The following CNPY4 variants were observed in gnomAD, a reference collection of about 807,000 sequenced individuals.
The protein encoded by CNPY4 is protein canopy homolog 4.
CNPY4 carries 33 observed loss-of-function variants against 30.1 expected under a neutral mutation model. That is an observed-to-expected ratio of 1.10 (90% CI 0.83 to 1.46). The LOEUF (loss-of-function observed/expected upper bound fraction) is 1.46, where lower values mean the gene tolerates loss of function less well. CNPY4 is among the 40% of genes most tolerant of loss of function. The pLI is 0.00. For synonymous variants in CNPY4, 109 were observed against 110.1 expected (o/e 0.99, Z 0.06); for missense variants, 324 against 302.6 (o/e 1.07, Z -0.52).
At chr7:100,124,460 G>C in intron 4 of CNPY4, 54 bp from the exon 5 acceptor site, 1 of 1,390,902 alleles carries the variant, frequency 7.2e-7, no homozygotes, top group East Asian at 2.3e-5. Flanking sequence ...GAAGACAGGC[G>C]GGATCCCAAA....
At chr7:100,119,970 T>A in intron 1 of CNPY4, 108 bp downstream of exon 1, 1 of 986,430 alleles carries the variant, frequency 1.0e-6, no homozygotes, top group Non-Finnish European at 1.4e-6. Context: ...CTTGAAGGCT[T>A]GAGGGAGGTT....
Position 100,119,644 on chromosome 7 carries a change from T to A in CNPY4, c.-101T>A. On this transcript the variant is annotated 5_prime_UTR_variant, in exon 1 of 6. Transcript: ENST00000262932. ...TGCGCATGCGCCGACCTTCCTCGGCTGGATTTAAGGTTGCCGCTAGCCGCC... is the reference window on the plus strand; with the variant it reads ...TGCGCATGCGCCGACCTTCCTCGGCAGGATTTAAGGTTGCCGCTAGCCGCC... 6.2e-7 allele frequency: 1 copy of A among 1,604,056 alleles called. No individual in the cohort carries two copies.
chr7:100,120,996 GCTCA>G (rs761238560), intron 1 of CNPY4, among the ~76,000 whole-genome samples: 6 of 148,800 alleles, frequency 4.0e-5, no homozygotes, highest in East Asian at 2.0e-4. Flanking sequence ...CTTATACAGT[GCTCA>G]CTATGTGCCA....
Position 100,122,550 on chromosome 7 carries a change from G to C in CNPY4, c.315G>C (p.Glu105Asp). 6.2e-7 allele frequency: 1 copy of C among 1,612,486 alleles called. No individual in the cohort carries two copies. Among genetic ancestry groups the C allele is most frequent in the Non-Finnish European group, 8.5e-7 (1 of 1,179,166 alleles). ...TCCTGGACTATAGTGTTCACGCTGA[G>C]CGCAAGGGCTCACTGAGATATGCCA... ...ERILDYSVHA[E>D]RKGSLRYAKG... The change falls in exon 3 of 6, where the codon GAG (glutamate) becomes GAC (aspartate). Residue 105 changes from glutamate to aspartate, a missense_variant. Transcript: ENST00000262932.
rs1269587255 is a variant in CNPY4, at chr7:100,122,375, T to C, written c.235T>C (p.Tyr79His). Residue 79 changes from tyrosine to histidine, a missense_variant, in exon 2 of 6, where the codon TAC becomes CAC. Coordinates refer to ENST00000262932, the MANE Select transcript of CNPY4 (RefSeq NM_152755.2). ...AGGCAAGAGGAAGAGACACGTGCCT[T>C]ACAGCGTTTCGTGAGTCCTTCGTGC... ...DTGKRKRHVP[Y>H]SVSETRLEEA... 3 of 1,614,152 alleles carry C rather than the reference T, an allele frequency of 1.9e-6. No homozygotes were observed. The highest frequency in any genetic ancestry group is 2.5e-6 in the Non-Finnish European group (3 of 1,180,018).
At chr7:100,122,989 ATG>A in intron 4 of CNPY4, 83 bp downstream of exon 4, 1 of 1,421,516 alleles carries the variant, frequency 7.0e-7, no homozygotes, top group East Asian at 2.3e-5. Context: ...ACTATAGGGG[ATG>A]TCTACCCCTA....
chr7:100,122,892 T>C lies in CNPY4; in HGVS notation c.451T>C (p.Tyr151His), dbSNP rs764020432. 4 of 1,613,032 alleles carry C rather than the reference T, an allele frequency of 2.5e-6. No individual in the cohort carries two copies. The highest frequency in any genetic ancestry group is 1.7e-4 in the Middle Eastern group (1 of 6,054). Residue 151 changes from tyrosine to histidine, a missense_variant, in exon 4 of 6, where the codon TAC (tyrosine) becomes CAC (histidine). Coordinates refer to ENST00000262932, the MANE Select transcript of CNPY4 (RefSeq NM_152755.2). ...LWDEPSVEVTYLKKQCETMLE... is the reference protein window; with the variant it reads ...LWDEPSVEVTHLKKQCETMLE... ...GGATGAGCCCAGCGTGGAGGTCACA[T>C]ACCTCAAGAAGCAGGTAGGATAAGA...
chr7:100,124,757 AT>A lies in CNPY4; in HGVS notation c.617del (p.Ile206ThrfsTer29). On this transcript the variant is annotated frameshift_variant, in exon 6 of 6. Transcript: ENST00000262932. LOFTEE classifies it low-confidence loss of function (END_TRUNC). ...CLQETWTGKEITDGEEKTEGE... is the reference protein window; with the variant it reads ...CLQETWTGKEXTDGEEKTEGE... ...ACAGGAAACTTGGACTGGAAAGGAGATCACAGATGGGGAAGAGAAAACAGAA... is the reference window on the plus strand; with the variant it reads ...ACAGGAAACTTGGACTGGAAAGGAGACACAGATGGGGAAGAGAAAACAGAA... 6.2e-7 allele frequency: 1 copy of A among 1,613,882 alleles called. No homozygotes were observed. Among genetic ancestry groups the A allele is most frequent in the East Asian group, 2.2e-5 (1 of 44,874 alleles).
At chr7:100,121,108 ATATATATATTTTTTTTTT>A (rs1798035013) in intron 1 of CNPY4, 1 of 17,894 alleles carries the variant, frequency 5.6e-5, no homozygotes, top group African/African-American at 2.2e-4. Context: ...ATATATATAT[ATATATATATTTTTTTTTT>A]TTTTTTTTTT....
chr7:100,124,624 T>G lies in CNPY4; in HGVS notation c.576T>G (p.Ala192=). 1 of 1,613,224 alleles carries G rather than the reference T, an allele frequency of 6.2e-7. No individual in the cohort carries two copies. Among genetic ancestry groups the G allele is most frequent in the Non-Finnish European group, 8.5e-7 (1 of 1,179,644 alleles). Residue 192 remains alanine, a synonymous_variant, in exon 5 of 6, where the codon GCT becomes GCG. Transcript: ENST00000262932. The part of the protein sequence containing the change: ...FLCEGHVLPA[A]ETACLQETWT... ...GTGAAGGTCATGTGCTCCCAGCTGC[T>G]GAAACTGGTAAGCGTAAGGGTTGAA...
intron 1 of CNPY4, chr7:100,122,048 T>TC (rs1798088714): frequency 1.7e-4 from 52 of 310,000 alleles, no homozygotes; most frequent in South Asian, 1.2e-3. Context: ...AGAGTCCGTC[T>TC]GAAAAAAAAA....
rs764917274 is a variant in CNPY4 at position 100,122,516 on chromosome 7, G to A, written c.281G>A (p.Cys94Tyr). Reference sequence around the variant, plus strand: ...CTGGAAGAGGCCTTAGAGAATTTATGTGAGCGGATCCTGGACTATAGTGTT... The same window carrying A: ...CTGGAAGAGGCCTTAGAGAATTTATATGAGCGGATCCTGGACTATAGTGTT... ...TRLEEALENL[C>Y]ERILDYSVHA... Residue 94 changes from cysteine to tyrosine, a missense_variant, in exon 3 of 6, where the codon TGT becomes TAT. By Grantham distance (194) the Cys-to-Tyr change is radical. Transcript: ENST00000262932. 1 of 1,613,910 alleles carries A rather than the reference G, an allele frequency of 6.2e-7. No individual in the cohort carries two copies. The highest frequency in any genetic ancestry group is 1.7e-5 in the Admixed American group (1 of 59,982).
At chr7:100,119,940 T>C in intron 1 of CNPY4, 78 bp downstream of exon 1, 1 of 1,343,856 alleles carries the variant, frequency 7.4e-7, no homozygotes, top group Non-Finnish European at 1.0e-6. Context: ...TAGCCTGTAT[T>C]GGGTGGGTCA....
intron 1 of CNPY4, chr7:100,121,116 A>ATATATTTTTTTTTTT (rs1584585316): frequency 5.7e-5 from 3 of 52,778 alleles, no homozygotes; most frequent in African/African-American, 9.7e-5. Flanking sequence ...ATATATATAT[A>ATATATTTTTTTTTTT]TTTTTTTTTT....
At position 100,124,650 on chromosome 7, in the gene CNPY4, C is replaced by T. The variant is rs1335315133; in HGVS notation, c.583+19C>T. 3 of 1,611,478 alleles carry T rather than the reference C, an allele frequency of 1.9e-6. No individual in the cohort carries two copies. In the African/African-American group the frequency reaches 4.0e-5, roughly 22 times the overall value. ...GAAACTGGTAAGCGTAAGGGTTGAACTCCTCTCCTGCCAAGCCATAGCCTC... is the reference window on the plus strand; with the variant it reads ...GAAACTGGTAAGCGTAAGGGTTGAATTCCTCTCCTGCCAAGCCATAGCCTC... On this transcript the variant is annotated intron_variant, in intron 5 of 5. Transcript: ENST00000262932.
chr7:100,122,314 T>G lies in CNPY4; in HGVS notation c.174T>G (p.Ser58=). 6.2e-6 allele frequency: 10 copies of G among 1,613,822 alleles called. No individual in the cohort carries two copies. Among genetic ancestry groups the G allele is most frequent in the Non-Finnish European group, 8.5e-6 (10 of 1,179,868 alleles). Residue 58 remains serine, a synonymous_variant, in exon 2 of 6, where the codon TCT becomes TCG. Transcript: ENST00000262932. ...CGGAACTGAGTCGCACCGGTCGATC[T>G]CGAGAGGTGCTGGAGCTGGGGCAGG... The part of the protein sequence containing the change: ...LQAELSRTGR[S]REVLELGQVL...
chr7:100,124,356 G>GT (rs1218322781), intron 4 of CNPY4, 158 bp from the exon 5 acceptor site: 1 of 605,652 alleles, frequency 1.7e-6, no homozygotes, highest in Non-Finnish European at 2.9e-6. Flanking sequence ...GCTGGTAAAT[G>GT]TTTGTTGAAT....
chr7:100,123,656 G>T (rs1325786070), intron 4 of CNPY4, among the ~76,000 whole-genome samples: 1 of 152,042 alleles, frequency 6.6e-6, no homozygotes, highest in Admixed American at 6.5e-5. Flanking sequence ...GAGTAGCTGG[G>T]ATTACAGGCC....
At chr7:100,120,783 G>A (rs1024988405) in intron 1 of CNPY4, among the ~76,000 whole-genome samples, 2 of 152,132 alleles carry the variant, frequency 1.3e-5, no homozygotes, top group Admixed American at 6.6e-5. Flanking sequence ...TGTAATCCCA[G>A]CACTTTGGAA....
Sources: allele counts gnomAD v4.1 joint callset (sites outside exome capture counted in the v4.1 genomes callset), GRCh38; gene constraint gnomAD v4.1.1; transcripts MANE v1.5; gene names NCBI Gene and HGNC (gene_info 2026-07-23, HGNC 2026-07-21).